The following TBC1D13 variants were observed in gnomAD, a reference collection of about 807,000 sequenced individuals.
The protein encoded by TBC1D13 is epididymis secretory sperm binding protein.
Under a neutral mutation model 53.6 loss-of-function variants are expected in TBC1D13, and 40 were observed. That is an observed-to-expected ratio of 0.75 (90% CI 0.58 to 0.97). The LOEUF is 0.97. Ranked by LOEUF, TBC1D13 falls within the 50% of genes least tolerant of loss-of-function variation. TBC1D13 has a pLI of 0.00. For missense variants in TBC1D13, 377 were observed against 499.4 expected (o/e 0.75, Z 2.34); for synonymous variants, 182 against 197.7 (o/e 0.92, Z 0.67).
rs745823553 is a variant in TBC1D13 at position 128,791,580 on chromosome 9, CT to C, written c.201-12del. 6.2e-7 allele frequency: 1 copy of C among 1,613,992 alleles called. No homozygotes were observed. The highest frequency in any genetic ancestry group is 1.1e-5 in the South Asian group (1 of 91,080). ...GGACCGTTGGGAATCATCCTTCTCA[CT>C]TGTCTCCTGCAGGGAGCTGTATGCC... On this transcript the variant is annotated splice_polypyrimidine_tract_variant and intron_variant, in intron 4 of 11. Transcript: ENST00000372648.
intron 6 of TBC1D13, 133 bp from the exon 7 acceptor site, chr9:128,796,922 C>A: frequency 1.0e-6 from 1 of 977,360 alleles, no homozygotes; most frequent in Non-Finnish European, 1.6e-6. Context: ...GGCGACAGTG[C>A]AAGACTCCAT....
At chr9:128,799,356 C>T (rs1400736735) in intron 7 of TBC1D13, among the ~76,000 whole-genome samples, 2 of 152,198 alleles carry the variant, frequency 1.3e-5, no homozygotes, top group East Asian at 1.9e-4. Context: ...TAAAGACCAT[C>T]TGTGTGACTC....
intron 3 of TBC1D13, 133 bp from the exon 4 acceptor site, chr9:128,791,247 A>G (rs1829526681): frequency 2.3e-6 from 2 of 857,416 alleles, no homozygotes; most frequent in East Asian, 2.5e-5. Context: ...TCATGCTGGC[A>G]TTCCTGGATT....
chr9:128,802,369 G>C (rs1829752174), intron 7 of TBC1D13, among the ~76,000 whole-genome samples: 1 of 152,034 alleles, frequency 6.6e-6, no homozygotes, highest in Non-Finnish European at 1.5e-5. Flanking sequence ...TAAAGTTTTT[G>C]TTTTAAATTG....
Position 128,805,919 on chromosome 9 carries a change from C to T in TBC1D13, c.979C>T (p.Gln327Ter). 1 of 1,614,208 alleles carries T rather than the reference C, an allele frequency of 6.2e-7. No individual in the cohort carries two copies. Among genetic ancestry groups the T allele is most frequent in the Non-Finnish European group, 8.5e-7 (1 of 1,180,042 alleles). The change falls in exon 10 of 12, where the codon CAG (glutamine) becomes TAG (stop). Residue 327 changes from glutamine to a stop codon, truncating the protein, a stop_gained. Transcript: ENST00000372648. LOFTEE classifies it high-confidence loss of function. ...AFRWLTLLLS[Q>*]EFLLPDVIRI... ...CCGCTGGCTGACACTGCTGCTGTCC[C>T]AGGAGTTCTTGCTGCCTGACGTCAT...
chr9:128,795,695 C>T (rs548612433), intron 6 of TBC1D13, among the ~76,000 whole-genome samples: 72 of 152,068 alleles, frequency 4.7e-4, no homozygotes, highest in Non-Finnish European at 6.0e-4. Context: ...CTCTGGACCT[C>T]GTGATCCGCC....
Position 128,807,942 on chromosome 9 carries a change from GAC to G in TBC1D13, c.*67_*68del. The G allele has an allele frequency of 6.5e-7, 1 of 1,541,688 alleles. No individual in the cohort carries two copies. ...CCCGACCCTGTGCCCTGGCTCCCGGGACACATAGAAACCTGTAGGAACCCAGC... is the reference window on the plus strand; with the variant it reads ...CCCGACCCTGTGCCCTGGCTCCCGGGACATAGAAACCTGTAGGAACCCAGC... On this transcript the variant is annotated 3_prime_UTR_variant, in exon 12 of 12. Coordinates refer to ENST00000372648, the MANE Select transcript of TBC1D13 (RefSeq NM_018201.5).
chr9:128,808,372 G>T lies in TBC1D13; in HGVS notation c.*493G>T. 4.7e-6 allele frequency: 1 copy of T among 212,630 alleles called. No homozygotes were observed. Among genetic ancestry groups the T allele is most frequent in the Non-Finnish European group, 9.6e-6 (1 of 103,854 alleles). The allele number at this position is 212,630 out of a possible 1,614,324, so 13.2% of individuals were successfully genotyped here. On this transcript the variant is annotated 3_prime_UTR_variant, in exon 12 of 12. Coordinates refer to ENST00000372648, the MANE Select transcript of TBC1D13 (RefSeq NM_018201.5). ...ACCCACAGATGTCTGTAGTCGGTCGGTGTGAATGTGGGCCCAAGTCCCCAG... is the reference window on the plus strand; with the variant it reads ...ACCCACAGATGTCTGTAGTCGGTCGTTGTGAATGTGGGCCCAAGTCCCCAG...
chr9:128,801,840 C>A (rs1296364305), intron 7 of TBC1D13, among the ~76,000 whole-genome samples: 1 of 151,230 alleles, frequency 6.6e-6, no homozygotes, highest in Non-Finnish European at 1.5e-5. Flanking sequence ...CCACTTACTG[C>A]AAACTCCGCC....
chr9:128,803,531 T>C lies in TBC1D13; in HGVS notation c.754+71T>C, dbSNP rs1433002109. 3.4e-6 allele frequency: 5 copies of C among 1,452,734 alleles called. No individual in the cohort carries two copies. The African/African-American group carries it at 7.0e-5, about 20-fold the overall frequency. The allele number at this position is 1,452,734 out of a possible 1,614,324, so 90.0% of individuals were successfully genotyped here. On this transcript the variant is annotated intron_variant, in intron 8 of 11. Coordinates refer to ENST00000372648, the MANE Select transcript of TBC1D13 (RefSeq NM_018201.5). Reference sequence around the variant, plus strand: ...CAGGCTGTGCACCTCACTTTCCCTCTCGGGCCTCTGTTCTCCCTCTGCCAG... The same window carrying C: ...CAGGCTGTGCACCTCACTTTCCCTCCCGGGCCTCTGTTCTCCCTCTGCCAG...
At chr9:128,792,349 A>G in intron 5 of TBC1D13, 143 bp from the exon 6 acceptor site, 3 of 667,714 alleles carry the variant, frequency 4.5e-6, no homozygotes, top group Non-Finnish European at 7.8e-6. Context: ...GGCTCCTCTG[A>G]GTATCTTGCA....
chr9:128,806,221 A>G lies in TBC1D13; in HGVS notation c.1080-33A>G, dbSNP rs1829830167. On this transcript the variant is annotated intron_variant, in intron 10 of 11. Transcript: ENST00000372648. ...GCAGGGCCTGCACTCAGAGCATCCC[A>G]GGTCCCAGCGCTTTTGCTGCTGCTT... The G allele has an allele frequency of 1.9e-6, 3 of 1,613,890 alleles. No homozygotes were observed. The East Asian group carries it at 6.7e-5, about 36-fold the overall frequency.
At position 128,787,321 on chromosome 9, in the gene TBC1D13, C is replaced by T. The variant is rs1462962135; in HGVS notation, c.-33C>T. The T allele has an allele frequency of 1.1e-5, 14 of 1,256,126 alleles. No homozygotes were observed. The highest frequency in any genetic ancestry group is 6.2e-5 in the African/African-American group (4 of 64,606). The allele number at this position is 1,256,126 out of a possible 1,614,324, so 77.8% of individuals were successfully genotyped here. ...GCGCAGGCGGCAGAGGCGCAGGCGG[C>T]GGAGGCGGCTGGGGGGTCCGGAAGT... On this transcript the variant is annotated 5_prime_UTR_variant, in exon 1 of 12. Coordinates refer to ENST00000372648, the MANE Select transcript of TBC1D13 (RefSeq NM_018201.5).
At chr9:128,796,895 C>T (rs1483390757) in intron 6 of TBC1D13, among the ~76,000 whole-genome samples, 160 bp from the exon 7 acceptor site, 1 of 152,064 alleles carries the variant, frequency 6.6e-6, no homozygotes, top group Non-Finnish European at 1.5e-5. Context: ...GAGATCGCTC[C>T]ACTGCACTTC....
chr9:128,799,567 G>T (rs1829695147), intron 7 of TBC1D13, among the ~76,000 whole-genome samples: 1 of 152,154 alleles, frequency 6.6e-6, no homozygotes, highest in African/African-American at 2.4e-5. Context: ...GCCAGTTCAG[G>T]GTCAAGTCCT....
intron 6 of TBC1D13, among the ~76,000 whole-genome samples, chr9:128,796,621 G>A (rs1426415507): frequency 2.0e-5 from 3 of 151,864 alleles, no homozygotes; most frequent in Non-Finnish European, 4.4e-5. Flanking sequence ...TTGACCTCTA[G>A]TGATTCAAAA....
At chr9:128,794,832 G>C (rs1021493296) in intron 6 of TBC1D13, among the ~76,000 whole-genome samples, 3 of 151,616 alleles carry the variant, frequency 2.0e-5, no homozygotes, top group Non-Finnish European at 4.4e-5. Context: ...TGTTTGCAAT[G>C]TGCTAAGTAT....
chr9:128,788,298 A>G, intron 1 of TBC1D13, 36 bp from the exon 2 acceptor site: 1 of 1,598,264 alleles, frequency 6.3e-7, no homozygotes, highest in Non-Finnish European at 8.6e-7. Context: ...AGCCGATATC[A>G]GCATGCTTCA....
At position 128,809,091 on chromosome 9, in the gene TBC1D13, G is replaced by A. The variant is rs952238178; in HGVS notation, c.*1212G>A. On this transcript the variant is annotated 3_prime_UTR_variant, in exon 12 of 12. Coordinates refer to ENST00000372648, the MANE Select transcript of TBC1D13 (RefSeq NM_018201.5). ...CCCACAAAGGGCAAGTGGGGCCCGA[G>A]GAAGCCTCTCTGGGGCCAGGGGTAG... The A allele has an allele frequency of 1.3e-5, 2 of 152,334 alleles. No individual in the cohort carries two copies. Among genetic ancestry groups the A allele is most frequent in the Non-Finnish European group, 2.9e-5 (2 of 68,146 alleles). The allele number at this position is 152,334 out of a possible 1,614,324, so 9.4% of individuals were successfully genotyped here. A position where few individuals can be genotyped will look rare whatever the true frequency, so the allele number is the denominator to read the frequency against.
Sources: gnomAD v4.1 joint callset for allele counts (sites outside exome capture counted in the v4.1 genomes callset) on GRCh38, gnomAD v4.1.1 for gene constraint, MANE v1.5 for transcripts, NCBI Gene and HGNC (gene_info 2026-07-23, HGNC 2026-07-21) for gene names.